UNC5C: variants seen among roughly 807,000 people sequenced by gnomAD.
UNC5C encodes the protein unc-5 netrin receptor C.
UNC5C carries 47 observed loss-of-function variants against 99.8 expected under a neutral mutation model. The ratio of observed to expected loss-of-function variants is 0.47; its 90% CI spans 0.37 to 0.60. UNC5C has a LOEUF of 0.60. UNC5C is among the 20% of genes least tolerant of loss of function. The probability of loss-of-function intolerance (pLI) is 0.00; values close to 1 mark genes in which losing one functional copy is unlikely to be tolerated. For missense variants in UNC5C, 1,062 were observed against 1,165.9 expected (o/e 0.91, Z 1.30); for synonymous variants, 487 against 452.2 (o/e 1.08, Z -0.98).
chr4:95,242,066 G>A (rs2149378229), intron 7 of UNC5C, among the ~76,000 whole-genome samples: 1 of 152,232 alleles, frequency 6.6e-6, no homozygotes, highest in Non-Finnish European at 1.5e-5. Flanking sequence ...TACCTGCCAT[G>A]AATTAAGAAT....
intron 2 of UNC5C, among the ~76,000 whole-genome samples, chr4:95,313,361 A>C (rs908953012): frequency 1.2e-4 from 18 of 152,202 alleles, no homozygotes; most frequent in Non-Finnish European, 2.6e-4. Flanking sequence ...AGGAAGATTA[A>C]TTTGTCTCTA....
intron 5 of UNC5C, among the ~76,000 whole-genome samples, chr4:95,250,044 G>C (rs1739635670): frequency 6.6e-6 from 1 of 152,052 alleles, no homozygotes; most frequent in Non-Finnish European, 1.5e-5. Flanking sequence ...GCAGGTTCTG[G>C]AGAGAAGAGG....
intron 5 of UNC5C, chr4:95,248,462 G>T (rs191272647): frequency 2.3e-6 from 1 of 443,170 alleles, no homozygotes; most frequent in Admixed American, 2.5e-5. Flanking sequence ...TATCTGGATC[G>T]TAACTTCCCC....
intron 10 of UNC5C, among the ~76,000 whole-genome samples, chr4:95,209,043 T>C (rs1737980007): frequency 6.6e-6 from 1 of 152,216 alleles, no homozygotes; most frequent in African/African-American, 2.4e-5. Flanking sequence ...AATGTCTACT[T>C]CTGGAGCAAA....
intron 7 of UNC5C, among the ~76,000 whole-genome samples, chr4:95,238,965 A>G (rs184094748): frequency 2.1e-4 from 32 of 152,192 alleles, no homozygotes; most frequent in African/African-American, 6.5e-4. Context: ...TTTTAAAAAT[A>G]TGGTTTGTCT....
intron 4 of UNC5C, among the ~76,000 whole-genome samples, chr4:95,259,082 G>A (rs886556966): frequency 6.6e-5 from 10 of 152,082 alleles, no homozygotes; most frequent in African/African-American, 1.9e-4. Context: ...ATTCTAAGGA[G>A]CAGTTCCTAA....
rs891395771 is a variant in UNC5C at position 95,168,630 on chromosome 4, A to T, written c.*604T>A. ...TTTCTTTTTTACACTTAGATTCTCC[A>T]CTTCCCTGATACAAACAGTAACACT... On this transcript the variant is annotated 3_prime_UTR_variant, in exon 16 of 16. Coordinates refer to ENST00000453304, the MANE Select transcript of UNC5C (RefSeq NM_003728.4). 6.6e-6 allele frequency: 1 copy of T among 152,624 alleles called. No individual in the cohort carries two copies. 9.5% of individuals were successfully genotyped at this position (152,624 alleles called of 1,614,324 possible).
chr4:95,285,891 G>A (rs568639807), intron 3 of UNC5C, among the ~76,000 whole-genome samples: 1 of 152,242 alleles, frequency 6.6e-6, no homozygotes, highest in Non-Finnish European at 1.5e-5. Context: ...CCACTGGGTA[G>A]GCTAACACTG....
At chr4:95,284,105 A>G (rs17023440) in intron 3 of UNC5C, among the ~76,000 whole-genome samples, 2,622 of 152,264 alleles carry the variant, frequency 0.017, 67 homozygotes, top group African/African-American at 0.059. Flanking sequence ...TGGGTGGTAG[A>G]ATTTTGATGC....
At chr4:95,243,301 T>C (rs1739391296) in intron 6 of UNC5C, among the ~76,000 whole-genome samples, 1 of 152,188 alleles carries the variant, frequency 6.6e-6, no homozygotes, top group South Asian at 2.1e-4. Context: ...ACTGACTTAC[T>C]TTCTTCCTAA....
chr4:95,454,372 A>G (rs1172152426), intron 1 of UNC5C, among the ~76,000 whole-genome samples: 1 of 152,108 alleles, frequency 6.6e-6, no homozygotes, highest in African/African-American at 2.4e-5. Context: ...ATCAGCAAGA[A>G]ACTTTTGATT....
At position 95,168,746 on chromosome 4, in the gene UNC5C, C is replaced by G. The variant is rs113321009; in HGVS notation, c.*488G>C. The G allele has an allele frequency of 5.6e-3, 863 of 153,348 alleles. 7 individuals are homozygous for G. Among genetic ancestry groups the G allele is most frequent in the Non-Finnish European group, 8.7e-3 (597 of 68,464 alleles). The allele number at this position is 153,348 out of a possible 1,614,324, so 9.5% of individuals were successfully genotyped here. A position where few individuals can be genotyped will look rare whatever the true frequency, so the allele number is the denominator to read the frequency against. On this transcript the variant is annotated 3_prime_UTR_variant, in exon 16 of 16. Coordinates refer to ENST00000453304, the MANE Select transcript of UNC5C (RefSeq NM_003728.4). ...TTTGTAGCAAAAGTCTGTGATTTCTCTGTAAATTACTAATCTGAAATAGAC... is the reference window on the plus strand; with the variant it reads ...TTTGTAGCAAAAGTCTGTGATTTCTGTGTAAATTACTAATCTGAAATAGAC...
intron 1 of UNC5C, among the ~76,000 whole-genome samples, chr4:95,490,276 A>G (rs961516083): frequency 1.3e-5 from 2 of 151,730 alleles, no homozygotes; most frequent in Non-Finnish European, 2.9e-5. Flanking sequence ...AAAGAAAAAA[A>G]GGCATTAAAA....
At chr4:95,492,590 T>C (rs999843848) in intron 1 of UNC5C, among the ~76,000 whole-genome samples, 7 of 151,326 alleles carry the variant, frequency 4.6e-5, no homozygotes, top group African/African-American at 1.7e-4. Context: ...TAAAAGTATA[T>C]TTTATTCAAG....
intron 1 of UNC5C, among the ~76,000 whole-genome samples, chr4:95,491,680 A>G (rs1030503094): frequency 4.0e-5 from 6 of 151,656 alleles, no homozygotes; most frequent in Non-Finnish European, 8.9e-5. Context: ...TTTGAAAATT[A>G]TGAAGCAATA....
chr4:95,473,400 C>T (rs925183732), intron 1 of UNC5C, among the ~76,000 whole-genome samples: 1 of 152,066 alleles, frequency 6.6e-6, no homozygotes, highest in Non-Finnish European at 1.5e-5. Flanking sequence ...GCAATCTGTT[C>T]TCTTTTTGTC....
intron 1 of UNC5C, among the ~76,000 whole-genome samples, chr4:95,545,068 C>A (rs1578219758): frequency 6.6e-6 from 1 of 152,208 alleles, no homozygotes; most frequent in Non-Finnish European, 1.5e-5. Context: ...GTTTACTTAG[C>A]AGAGCTCATG....
chr4:95,519,430 A>G (rs1722295317), intron 1 of UNC5C, among the ~76,000 whole-genome samples: 3 of 152,094 alleles, frequency 2.0e-5, no homozygotes, highest in Non-Finnish European at 4.4e-5. Context: ...AGTTTATTTC[A>G]TCATCACTGC....
chr4:95,195,015 C>T (rs59169589), intron 12 of UNC5C, among the ~76,000 whole-genome samples: 10,491 of 152,168 alleles, frequency 0.069, 393 homozygotes, highest in Middle Eastern at 0.088. Context: ...TCAACCAGAC[C>T]GCTACCAAAC....
Sources: gnomAD v4.1 joint callset for allele counts (sites outside exome capture counted in the v4.1 genomes callset) on GRCh38, gnomAD v4.1.1 for gene constraint, MANE v1.5 for transcripts, NCBI Gene and HGNC (gene_info 2026-07-23, HGNC 2026-07-21) for gene names.